Variants in MAPK8IP1 observed in about 807,000 individuals in gnomAD.
MAPK8IP1 encodes the protein mitogen-activated protein kinase 8 interacting protein 1, also known as C-Jun-amino-terminal kinase-interacting protein 1.
A neutral mutation model predicts 72.6 loss-of-function variants in MAPK8IP1; 17 were observed. That is an observed-to-expected ratio of 0.23 (90% CI 0.16 to 0.35). The LOEUF is 0.35. Ranked by LOEUF, MAPK8IP1 falls within the 10% of genes least tolerant of loss-of-function variation. MAPK8IP1 has a pLI of 1.00. For missense variants in MAPK8IP1, 789 were observed against 1,009.7 expected, an observed-to-expected ratio of 0.78 and a Z score of 2.96; for synonymous variants, 401 against 443.4, an observed-to-expected ratio of 0.90 and a Z score of 1.20.
intron 2 of MAPK8IP1, 139 bp from the exon 3 acceptor site, chr11:45,899,999 C>G (rs2086637118): frequency 2.3e-6 from 1 of 430,090 alleles, no homozygotes; most frequent in Non-Finnish European, 3.4e-6. Flanking sequence ...GAGAGCGCCC[C>G]AGTCTCCGGC....
rs2086523097 is a variant in MAPK8IP1, at chr11:45,885,896, C to T, written c.76C>T (p.His26Tyr). The change falls in exon 1 of 12, where the codon CAC becomes TAC. Residue 26 changes from histidine (H) to tyrosine (Y), a missense_variant. By Grantham distance (83) the His-to-Tyr change is moderately conservative. Coordinates refer to ENST00000241014, the MANE Select transcript of MAPK8IP1 (RefSeq NM_005456.4). The stretch of plus-strand genomic sequence containing the variant: ...CGCCGCCTCCCCGTTCCTGGGGCTG[C>T]ACATCGCTTCGCCTCCCAATTTCAG... ...PPAASPFLGL[H>Y]IASPPNFRLT... The T allele has an allele frequency of 2.0e-6, 3 of 1,476,894 alleles. No individual in the cohort carries two copies. Among genetic ancestry groups the T allele is most frequent in the Middle Eastern group, 1.7e-4 (1 of 5,762 alleles). The allele number at this position is 1,476,894 out of a possible 1,614,324, so 91.5% of individuals were successfully genotyped here. A position where few individuals can be genotyped will look rare whatever the true frequency, so the allele number is the denominator to read the frequency against.
chr11:45,892,396 A>C (rs2086574196), intron 1 of MAPK8IP1, among the ~76,000 whole-genome samples: 1 of 152,246 alleles, frequency 6.6e-6, no homozygotes, highest in Admixed American at 6.5e-5. Context: ...TAATTCATTC[A>C]GCATTTGTCA....
intron 1 of MAPK8IP1, among the ~76,000 whole-genome samples, chr11:45,895,247 G>A (rs2086594184): frequency 6.6e-6 from 1 of 152,160 alleles, no homozygotes; most frequent in African/African-American, 2.4e-5. Context: ...GGCCAGTGGG[G>A]ACATCTGGGA....
intron 1 of MAPK8IP1, 129 bp downstream of exon 1, chr11:45,886,050 C>T (rs897473712): frequency 1.6e-5 from 8 of 513,176 alleles, no homozygotes; most frequent in African/African-American, 1.4e-4. Flanking sequence ...AGTGGGGTCT[C>T]TTCCCGGGAC....
chr11:45,890,439 T>C (rs1218806844), intron 1 of MAPK8IP1, among the ~76,000 whole-genome samples: 3 of 152,234 alleles, frequency 2.0e-5, no homozygotes, highest in African/African-American at 7.2e-5. Flanking sequence ...TTTATGAATT[T>C]GTGTTGGGCC....
At chr11:45,901,425 T>G (rs191804752) in intron 3 of MAPK8IP1, among the ~76,000 whole-genome samples, 36 of 152,196 alleles carry the variant, frequency 2.4e-4, no homozygotes, top group Middle Eastern at 3.4e-3. Context: ...GTTATGGATT[T>G]GTCACTGGGA....
chr11:45,889,335 G>A (rs1454554966), intron 1 of MAPK8IP1, among the ~76,000 whole-genome samples: 1 of 152,076 alleles, frequency 6.6e-6, no homozygotes, highest in Non-Finnish European at 1.5e-5. Context: ...TCAGATTTCA[G>A]GTTTTTGGAT....
rs745689802 is a variant in MAPK8IP1 at position 45,903,122 on chromosome 11, C to T, written c.1355C>T (p.Pro452Leu). 19 of 1,608,524 alleles carry T rather than the reference C, an allele frequency of 1.2e-5. No homozygotes were observed. The highest frequency in any genetic ancestry group is 1.0e-4 in the Admixed American group (6 of 59,940). ...TCCGAGGACTCCACGCCTGATGAAC[C>T]CGACGTCCATTTCTCCAAGAAATTC... is the stretch of plus-strand genomic sequence containing the variant. ...CLSEDSTPDEPDVHFSKKFLN... is the reference protein window; with the variant it reads ...CLSEDSTPDELDVHFSKKFLN... Residue 452 changes from proline (P) to leucine (L), a missense_variant, in exon 5 of 12, where the codon CCC becomes CTC. Pro to Leu is a moderately conservative substitution (Grantham distance 98). Around this residue, in one of 4 missense-constraint regions of MAPK8IP1, gnomAD observed 377 missense variants for 411.7 expected, o/e 0.92. Transcript: ENST00000241014. This position sits in a 1 kb window ranked among gnomAD's most constrained non-coding sequence, Gnocchi z 6.4.
At position 45,903,334 on chromosome 11, in the gene MAPK8IP1, C is replaced by A; in HGVS notation, c.1418-31C>A. 6.2e-7 allele frequency: 1 copy of A among 1,609,750 alleles called. No individual in the cohort carries two copies. The highest frequency in any genetic ancestry group is 8.5e-7 in the Non-Finnish European group (1 of 1,176,788). ...GCTAAACCTGGATCAGAGCTGCGAC[C>A]CCCCATCCAGCCACACCACCTCACC... On this transcript the variant is annotated intron_variant, in intron 5 of 11. Coordinates refer to ENST00000241014, the MANE Select transcript of MAPK8IP1 (RefSeq NM_005456.4). This position sits in a 1 kb window ranked among gnomAD's most constrained non-coding sequence, Gnocchi z 6.4.
intron 1 of MAPK8IP1, among the ~76,000 whole-genome samples, chr11:45,889,714 G>T (rs1164723851): frequency 6.6e-6 from 1 of 152,022 alleles, no homozygotes; most frequent in African/African-American, 2.4e-5. Context: ...GAGGGCGAGT[G>T]GCTCCCCCAA....
Position 45,902,679 on chromosome 11 carries a change from G to T in MAPK8IP1, c.912G>T (p.Glu304Asp). ...EPTSAFLPPT[E>D]SRMSVSSDPD... Reference sequence around the variant, plus strand: ...CCTCCGCCTTCCTGCCGCCCACTGAGAGCCGGATGTCAGTCAGCTCCGATC... The same window carrying T: ...CCTCCGCCTTCCTGCCGCCCACTGATAGCCGGATGTCAGTCAGCTCCGATC... Residue 304 changes from glutamate to aspartate, a missense_variant, in exon 5 of 12, where the codon GAG becomes GAT. Glu to Asp is a conservative substitution (Grantham distance 45, BLOSUM62 2). This residue lies in a region of MAPK8IP1 where 377 missense variants were observed against 411.7 expected (regional missense o/e 0.92). Transcript: ENST00000241014. The surrounding 1 kb of genome is among the most constrained non-coding windows in gnomAD (Gnocchi z 9.3). 1 of 1,611,726 alleles carries T rather than the reference G, an allele frequency of 6.2e-7. No individual in the cohort carries two copies.
rs753525216 is a variant in MAPK8IP1 at position 45,905,140 on chromosome 11, T to C, written c.1965-11T>C. The C allele has an allele frequency of 1.2e-5, 19 of 1,613,490 alleles. No homozygotes were observed. Among genetic ancestry groups the C allele is most frequent in the African/African-American group, 6.7e-5 (5 of 74,920 alleles). On this transcript the variant is annotated splice_polypyrimidine_tract_variant and intron_variant, in intron 10 of 11. Coordinates refer to ENST00000241014, the MANE Select transcript of MAPK8IP1 (RefSeq NM_005456.4). The stretch of plus-strand genomic sequence containing the variant: ...GCCCCCGTCCCAGCACAGACAGACC[T>C]GTCCCTGCAGGTACTTTGGGTTCAT...
At chr11:45,891,507 T>C (rs1691402905) in intron 1 of MAPK8IP1, among the ~76,000 whole-genome samples, 1 of 152,178 alleles carries the variant, frequency 6.6e-6, no homozygotes, top group African/African-American at 2.4e-5. Context: ...GTGAGTATGA[T>C]GACCCTGCCC....
chr11:45,905,084 T>G (rs1173773191), intron 10 of MAPK8IP1, 43 bp downstream of exon 10: 1 of 1,612,710 alleles, frequency 6.2e-7, no homozygotes, highest in East Asian at 2.2e-5. Context: ...ACGGGTGGTC[T>G]GCAGCCTTGA....
intron 1 of MAPK8IP1, among the ~76,000 whole-genome samples, chr11:45,896,200 C>T (rs1004554286): frequency 3.9e-5 from 6 of 152,268 alleles, no homozygotes; most frequent in African/African-American, 1.4e-4. Flanking sequence ...TCCATAGGCC[C>T]TGCCTTCCTG....
Position 45,902,352 on chromosome 11 carries a change from A to C in MAPK8IP1, c.605-20A>C. ...GAGTTGGGAGAGAGCCCCTGCCTTC[A>C]TGACCTGCCTGCTCTCCAGGGGAGC... On this transcript the variant is annotated intron_variant, in intron 4 of 11. Coordinates refer to ENST00000241014, the MANE Select transcript of MAPK8IP1 (RefSeq NM_005456.4). This position sits in a 1 kb window ranked among gnomAD's most constrained non-coding sequence, Gnocchi z 9.3. 1 of 1,545,382 alleles carries C rather than the reference A, an allele frequency of 6.5e-7. No individual in the cohort carries two copies. The highest frequency in any genetic ancestry group is 8.8e-7 in the Non-Finnish European group (1 of 1,142,340).
Position 45,888,726 on chromosome 11 carries a change from T to C in MAPK8IP1, c.101+2805T>C, listed in dbSNP as rs183312707. ...TTTTTTTTTTGAGACAGAGTCTCAC[T>C]CTGTCGCCCAGGCTGGAGGTTGGAG... On this transcript the variant is annotated intron_variant, in intron 1 of 11. Coordinates refer to ENST00000241014, the MANE Select transcript of MAPK8IP1 (RefSeq NM_005456.4). Among the ~76,000 whole-genome samples, 953 of 152,068 alleles carry C rather than the reference T, an allele frequency of 6.3e-3. 10 individuals carry two copies. The highest frequency in any genetic ancestry group is 0.011 in the Non-Finnish European group (736 of 67,970).
chr11:45,889,728 C>T (rs1187121343), intron 1 of MAPK8IP1, among the ~76,000 whole-genome samples: 3 of 152,102 alleles, frequency 2.0e-5, no homozygotes, highest in African/African-American at 4.8e-5. Flanking sequence ...CCCCCAAGAG[C>T]ACACAGCAAA....
chr11:45,892,448 G>GATCCC (rs2086574750), intron 1 of MAPK8IP1, among the ~76,000 whole-genome samples: 2 of 152,198 alleles, frequency 1.3e-5, no homozygotes, highest in African/African-American at 2.4e-5. Flanking sequence ...AAACAGATAT[G>GATCCC]ATCCCACCCA....
Sources: allele counts gnomAD v4.1 joint callset (sites outside exome capture counted in the v4.1 genomes callset), GRCh38; gene constraint gnomAD v4.1.1; regional missense constraint gnomAD v4.1.1; non-coding constraint Gnocchi (gnomAD v3.1); transcripts MANE v1.5; gene names NCBI Gene and HGNC (gene_info 2026-07-23, HGNC 2026-07-21).